INAVA: variants seen among roughly 807,000 people sequenced by gnomAD.
INAVA encodes the protein innate immunity activator.
A neutral mutation model predicts 55.3 loss-of-function variants in INAVA; 32 were observed. The observed-to-expected ratio is 0.58, with a 90% CI of 0.44 to 0.78. The LOEUF is 0.78. Ranked by LOEUF, INAVA falls within the 30% of genes least tolerant of loss-of-function variation. The pLI, the probability that INAVA is intolerant of heterozygous loss-of-function variation, is 0.00. For missense variants in INAVA, 756 were observed against 786.4 expected (o/e 0.96, Z 0.46); for synonymous variants, 294 against 329.4 (o/e 0.89, Z 1.16).
intron 5 of INAVA, among the ~76,000 whole-genome samples, chr1:200,903,576 G>A (rs773939852): frequency 4.6e-5 from 7 of 151,856 alleles, no homozygotes; most frequent in Non-Finnish European, 8.8e-5. Flanking sequence ...AGGCCGAGGC[G>A]GGTGGATCAC....
chr1:200,898,608 G>A (rs1653068468), intron 2 of INAVA, among the ~76,000 whole-genome samples, 153 bp downstream of exon 2: 2 of 152,202 alleles, frequency 1.3e-5, no homozygotes, highest in African/African-American at 2.4e-5. Context: ...GGCCTCTGCT[G>A]GGAGGAGGGG....
chr1:200,911,522 C>T lies in INAVA; in HGVS notation c.1029C>T (p.His343=). 1 of 1,613,938 alleles carries T rather than the reference C, an allele frequency of 6.2e-7. No homozygotes were observed. Among genetic ancestry groups the T allele is most frequent in the East Asian group, 2.2e-5 (1 of 44,864 alleles). The stretch of plus-strand genomic sequence containing the variant: ...CCTTTCCCCGCCGCCGCCCCACTCA[C>T]TACACGGTGACAGTGCCAGATTCCT... ...RSAFPRRRPT[H]YTVTVPDSCF... Residue 343 remains histidine, a synonymous_variant, in exon 9 of 10, where the codon CAC becomes CAT. Transcript: ENST00000413687.
chr1:200,910,174 A>G (rs4915463), intron 8 of INAVA, among the ~76,000 whole-genome samples: 79,521 of 152,020 alleles, frequency 0.52, 21,830 homozygotes, highest in Non-Finnish European at 0.61. Flanking sequence ...GACACTGTGC[A>G]CTTACAGCAT....
chr1:200,897,790 C>T (rs891882217), intron 1 of INAVA, among the ~76,000 whole-genome samples: 2 of 152,044 alleles, frequency 1.3e-5, no homozygotes, highest in Admixed American at 6.6e-5. Context: ...CCACTATGCC[C>T]AGCTAAGTTT....
Position 200,895,192 on chromosome 1 carries a change from C to T in INAVA, c.-95+105C>T, listed in dbSNP as rs896577825. ...ATCACCCCCCTCCGACCCCCACCCC[C>T]GCCAGCCTATGTCTGGTGTGTAGGG... is the stretch of plus-strand genomic sequence containing the variant. On this transcript the variant is annotated intron_variant, in intron 1 of 9. Transcript: ENST00000413687. The T allele has an allele frequency of 4.1e-5, 37 of 898,486 alleles. No individual in the cohort carries two copies. In the East Asian group the frequency reaches 1.2e-3, roughly 29 times the overall value. The allele number at this position is 898,486 out of a possible 1,614,324, so 55.7% of individuals were successfully genotyped here.
chr1:200,904,090 ATT>A (rs774833894), intron 5 of INAVA, among the ~76,000 whole-genome samples: 63 of 138,570 alleles, frequency 4.5e-4, no homozygotes, highest in Admixed American at 3.2e-3. Context: ...TCCTCATAAC[ATT>A]TTTTTTTTTT....
chr1:200,900,940 C>T lies in INAVA; in HGVS notation c.301C>T (p.Pro101Ser), dbSNP rs1215896726. The T allele has an allele frequency of 6.5e-7, 1 of 1,547,102 alleles. No individual in the cohort carries two copies. The highest frequency in any genetic ancestry group is 1.2e-5 in the South Asian group (1 of 83,690). ...LDDWALHREDPLSSLERQLAL... is the reference protein window; with the variant it reads ...LDDWALHREDSLSSLERQLAL... Reference sequence around the variant, plus strand: ...TCACTCCTGCCCCCTCTCTCAGGACCCCCTAAGCAGCCTGGAGCGCCAGCT... The same window carrying T: ...TCACTCCTGCCCCCTCTCTCAGGACTCCCTAAGCAGCCTGGAGCGCCAGCT... Residue 101 changes from proline to serine, a missense_variant, in exon 5 of 10, where the codon CCC becomes TCC. By Grantham distance (74) the Pro-to-Ser change is moderately conservative. Coordinates refer to ENST00000413687, the MANE Select transcript of INAVA (RefSeq NM_001142569.3).
At chr1:200,893,003 A>G (rs1668266016), upstream of INAVA, among the ~76,000 whole-genome samples, 1 of 152,362 alleles carries the variant, frequency 6.6e-6, no homozygotes, top group Non-Finnish European at 1.5e-5. Flanking sequence ...GGCATTAGGC[A>G]TCTGTAGATG....
intron 5 of INAVA, among the ~76,000 whole-genome samples, chr1:200,907,336 C>T (rs1318857781): frequency 6.6e-6 from 1 of 152,070 alleles, no homozygotes; most frequent in Non-Finnish European, 1.5e-5. Flanking sequence ...GCTCTGCCTT[C>T]TATTTTTTTC....
intron 5 of INAVA, among the ~76,000 whole-genome samples, chr1:200,907,095 G>A (rs941756968): frequency 1.3e-5 from 2 of 152,096 alleles, no homozygotes; most frequent in African/African-American, 4.8e-5. Context: ...AAAATGCTGG[G>A]ATTACAGGCA....
chr1:200,898,277 T>G, intron 1 of INAVA, 30 bp from the exon 2 acceptor site: 2 of 1,602,908 alleles, frequency 1.2e-6, no homozygotes, highest in Non-Finnish European at 1.7e-6. Flanking sequence ...TATCTAGCTT[T>G]TTTGTTATTG....
At position 200,908,818 on chromosome 1, in the gene INAVA, A is replaced by T; in HGVS notation, c.663A>T (p.Pro221=). ...CCCAAACCCTTGAGGGTCTGCAGCC[A>T]ACAGGACCTGAGGCTGGGAGCCCAG... The part of the protein sequence containing the change: ...LPPQTLEGLQ[P]TGPEAGSPER... The change falls in exon 7 of 10, where the codon CCA becomes CCT. Residue 221 remains proline, a synonymous_variant. Transcript: ENST00000413687. The T allele has an allele frequency of 3.1e-6, 5 of 1,613,938 alleles. No homozygotes were observed. Among genetic ancestry groups the T allele is most frequent in the Non-Finnish European group, 4.2e-6 (5 of 1,179,926 alleles).
chr1:200,897,490 G>A (rs1467660462), intron 1 of INAVA, among the ~76,000 whole-genome samples: 1 of 152,206 alleles, frequency 6.6e-6, no homozygotes, highest in Non-Finnish European at 1.5e-5. Flanking sequence ...CTGGACTTCG[G>A]AGGCCCCAGA....
At chr1:200,897,253 T>C (rs1668372590) in intron 1 of INAVA, among the ~76,000 whole-genome samples, 1 of 152,158 alleles carries the variant, frequency 6.6e-6, no homozygotes, top group South Asian at 2.1e-4. Context: ...TGCTTGCCCC[T>C]CTCCTGTCAA....
At position 200,898,466 on chromosome 1, in the gene INAVA, A is replaced by C; in HGVS notation, c.55+11A>C. ...TCATCCTGCAGTCTGGTGAGTGTTC[A>C]GGGAAATCCCCCTGCCCTAGTCCCT... On this transcript the variant is annotated intron_variant, in intron 2 of 9. Transcript: ENST00000413687. 1 of 1,613,378 alleles carries C rather than the reference A, an allele frequency of 6.2e-7. No homozygotes were observed. The highest frequency in any genetic ancestry group is 8.5e-7 in the Non-Finnish European group (1 of 1,179,726).
At chr1:200,892,014 G>C (rs1668248122), upstream of INAVA, among the ~76,000 whole-genome samples, 4 of 152,280 alleles carry the variant, frequency 2.6e-5, no homozygotes, top group South Asian at 8.3e-4. Flanking sequence ...GAGCAGGGTG[G>C]ACAGGACAAA....
chr1:200,904,660 C>A (rs1185948699), intron 5 of INAVA, among the ~76,000 whole-genome samples: 1 of 151,956 alleles, frequency 6.6e-6, no homozygotes, highest in Non-Finnish European at 1.5e-5. Context: ...GGCAGGGGAA[C>A]GCTGAGCTAG....
intron 9 of INAVA, 91 bp from the exon 10 acceptor site, chr1:200,913,446 T>C (rs1653828771): frequency 3.1e-6 from 3 of 955,610 alleles, no homozygotes; most frequent in Admixed American, 1.9e-5. Context: ...TCAGTGTCCC[T>C]AAGGGATAAG....
rs761898777 is a variant in INAVA at position 200,899,492 on chromosome 1, C to T, written c.75C>T (p.Ser25=). The T allele has an allele frequency of 3.5e-5, 56 of 1,613,978 alleles. No homozygotes were observed. The highest frequency in any genetic ancestry group is 1.6e-5 in the Non-Finnish European group (19 of 1,180,014). Residue 25 remains serine, a synonymous_variant, in exon 3 of 10, where the codon TCC becomes TCT. Transcript: ENST00000413687. ...ILQSGPDSPV[S]PMKELTHAVH... ...TTGCAGGCCCCGACAGCCCGGTCTC[C>T]CCAATGAAGGAGCTGACCCATGCAG...
Sources: allele counts gnomAD v4.1 joint callset (sites outside exome capture counted in the v4.1 genomes callset), GRCh38; gene constraint gnomAD v4.1.1; transcripts MANE v1.5; gene names NCBI Gene and HGNC (gene_info 2026-07-23, HGNC 2026-07-21).